The following WDR13 variants were observed in gnomAD, a reference collection of about 807,000 sequenced individuals.
WDR13 encodes the protein WD repeat domain 13, also known as WD repeat-containing protein 13.
Under a neutral mutation model 28.6 loss-of-function variants are expected in WDR13, and 1 was observed. The ratio of observed to expected loss-of-function variants is 0.03; its 90% confidence interval spans 0.01 to 0.17. The LOEUF (loss-of-function observed/expected upper bound fraction) is 0.17, where lower values mean the gene tolerates loss of function less well. Among genes scored for constraint, WDR13 ranks in the 10% least tolerant of loss-of-function variants. The pLI is 1.00. For synonymous variants in WDR13, 201 were observed against 185.9 expected, an observed-to-expected ratio of 1.08 and a Z score of -0.66; for missense variants, 264 against 469.3, an observed-to-expected ratio of 0.56 and a Z score of 4.04.
intron 1 of WDR13, 114 bp downstream of exon 1, chrX:48,597,728 T>G (rs1177423332): frequency 1.2e-5 from 4 of 345,275 alleles, no homozygotes; most frequent in Non-Finnish European, 2.0e-5. Flanking sequence ...GGAGGGGCGT[T>G]GCTATGGCGA....
rs1425136430 is a variant in WDR13, at chrX:48,608,345, G to A, written c.*3313G>A. ...TGCCCAGGCTGGCCTTGAACTCCTG[G>A]GCTCAAGTGATCCTCTCACCTTGGC... is the stretch of plus-strand genomic sequence containing the variant. On this transcript the variant is annotated 3_prime_UTR_variant, in exon 10 of 10. Coordinates refer to ENST00000376729, the MANE Select transcript of WDR13 (RefSeq NM_001347217.2). The A allele has an allele frequency of 3.6e-5, 4 of 110,646 alleles. No individual in the cohort carries two copies. Among genetic ancestry groups the A allele is most frequent in the African/African-American group, 1.3e-4 (4 of 30,301 alleles). 9.1% of individuals were successfully genotyped at this position (110,646 alleles called of 1,213,427 possible).
intron 2 of WDR13, chrX:48,598,290 C>T (rs1556993286): frequency 9.4e-6 from 10 of 1,066,409 alleles, no homozygotes; most frequent in East Asian, 7.3e-5. Context: ...GGAGGTGGGG[C>T]TCAGGCAGGT....
chrX:48,604,249 G>T, intron 8 of WDR13, 23 bp from the exon 9 acceptor site: 3 of 1,196,563 alleles, frequency 2.5e-6, no homozygotes, highest in Non-Finnish European at 3.4e-6. Context: ...GCTGTGTTTT[G>T]ACCCACTCTC....
chrX:48,598,013 A>T lies in WDR13; in HGVS notation c.17A>T (p.Gln6Leu). The change falls in exon 2 of 10, where the codon CAG (glutamine) becomes CTG (leucine). Residue 6 changes from glutamine (Q) to leucine (L), a missense_variant. This residue lies in a region of WDR13 where 15 missense variants were observed against 48.2 expected (regional missense o/e 0.31). Coordinates refer to ENST00000376729, the MANE Select transcript of WDR13 (RefSeq NM_001347217.2). ...GGCCGGGGAATGGCCGCGGTGTGGC[A>T]GCAAGTCTTAGCAGTGGACGCGAGG... MAAVW[Q>L]QVLAVDARYN... 1.7e-6 allele frequency: 2 copies of T among 1,164,425 alleles called. No individual in the cohort carries two copies. Among genetic ancestry groups the T allele is most frequent in the Non-Finnish European group, 1.1e-6 (1 of 871,934 alleles).
rs782392010 is a variant in WDR13, at chrX:48,600,530, C to T, written c.735C>T (p.Ala245=). The T allele has an allele frequency of 1.6e-6, 2 of 1,212,206 alleles. No homozygotes were observed. Among genetic ancestry groups the T allele is most frequent in the Non-Finnish European group, 2.2e-6 (2 of 895,592 alleles). ...TSLDATMRIW[A]SEDGRCIREI... ...TGGATGCCACCATGCGCATCTGGGC[C>T]TCTGAGGATGGTCGCTGCATCCGAG... is the stretch of plus-strand genomic sequence containing the variant. The change falls in exon 6 of 10, where the codon GCC becomes GCT. Residue 245 remains alanine (A), a synonymous_variant. Transcript: ENST00000376729.
intron 5 of WDR13, 54 bp downstream of exon 5, chrX:48,599,771 A>G: frequency 1.7e-6 from 2 of 1,199,860 alleles, no homozygotes; most frequent in Non-Finnish European, 2.3e-6. Flanking sequence ...AACTGTGACA[A>G]CCAACCAAGG....
At position 48,605,834 on chromosome X, in the gene WDR13, G is replaced by C. The variant is rs1428054553; in HGVS notation, c.*802G>C. On this transcript the variant is annotated 3_prime_UTR_variant, in exon 10 of 10. Coordinates refer to ENST00000376729, the MANE Select transcript of WDR13 (RefSeq NM_001347217.2). ...TCGCCTCAGCCTCCCAAAGTGCTGG[G>C]ATTACAGGCATGAACCACCACGCCT... The C allele has an allele frequency of 9.0e-6, 1 of 111,557 alleles. No homozygotes were observed. Among genetic ancestry groups the C allele is most frequent in the African/African-American group, 3.3e-5 (1 of 30,682 alleles). The allele number at this position is 111,557 out of a possible 1,213,427, so 9.2% of individuals were successfully genotyped here. A position where few individuals can be genotyped will look rare whatever the true frequency, so the allele number is the denominator to read the frequency against.
At chrX:48,604,477 C>G (rs1345255252) in intron 9 of WDR13, 87 bp downstream of exon 9, 1 of 823,149 alleles carries the variant, frequency 1.2e-6, no homozygotes, top group African/African-American at 2.0e-5. Context: ...CATCACGACA[C>G]CGATGCCCTG....
Position 48,600,543 on chromosome X carries a change from C to A in WDR13, c.748C>A (p.Arg250Ser). Residue 250 changes from arginine to serine, a missense_variant, in exon 6 of 10, where the codon CGC (arginine) becomes AGC (serine). By Grantham distance (110) the Arg-to-Ser change is moderately radical (BLOSUM62 -1). This residue lies in a region of WDR13 where 157 missense variants were observed against 270.2 expected (regional missense o/e 0.58). Transcript: ENST00000376729. ...GCGCATCTGGGCCTCTGAGGATGGT[C>A]GCTGCATCCGAGAGATCCCTGACCC... Reference protein sequence around the residue: ...TMRIWASEDGRCIREIPDPDS... With the variant: ...TMRIWASEDGSCIREIPDPDS... 3.3e-6 allele frequency: 4 copies of A among 1,211,832 alleles called. No homozygotes were observed. The highest frequency in any genetic ancestry group is 4.5e-6 in the Non-Finnish European group (4 of 895,471).
At position 48,600,606 on chromosome X, in the gene WDR13, G is replaced by A. The variant is rs782755423; in HGVS notation, c.811G>A (p.Val271Ile). Residue 271 changes from valine (V) to isoleucine (I), a missense_variant, in exon 6 of 10, where the codon GTC (valine) becomes ATC (isoleucine). Transcript: ENST00000376729. ...ACTGCTCTGCTGCACCTTCCAGCCT[G>A]TCAACAACAACCTCACTGTGGTCAG... ...AELLCCTFQP[V>I]NNNLTVVGNA... is the part of the protein sequence containing the mutation. 6.6e-6 allele frequency: 8 copies of A among 1,208,481 alleles called. 1 individual carries two copies. In the Admixed American group the frequency reaches 1.8e-4, roughly 26 times the overall value.
chrX:48,602,329 A>G (rs927143196), intron 8 of WDR13, 123 bp downstream of exon 8: 1 of 822,656 alleles, frequency 1.2e-6, no homozygotes, highest in Non-Finnish European at 1.7e-6. Context: ...AGTAACAGTA[A>G]TAGCAGTAGT....
chrX:48,600,108 A>G, intron 5 of WDR13: 2 of 430,886 alleles, frequency 4.6e-6, no homozygotes, highest in Non-Finnish European at 7.8e-6. Flanking sequence ...GACTTTTGCA[A>G]TCTGCAAAGG....
In WDR13 at chrX:48,607,995, CTCT is replaced by C. The variant is rs1569489658; in HGVS notation, c.*2965_*2967del. On this transcript the variant is annotated 3_prime_UTR_variant, in exon 10 of 10. Coordinates refer to ENST00000376729, the MANE Select transcript of WDR13 (RefSeq NM_001347217.2). ...CCATATTGGCCAGGCTGGTCTCCATCTCTTGACCTTGTGATCCGCCTGCCTCGA... is the reference window on the plus strand; with the variant it reads ...CCATATTGGCCAGGCTGGTCTCCATCTGACCTTGTGATCCGCCTGCCTCGA... The C allele has an allele frequency of 3.9e-4, 43 of 110,381 alleles. No individual in the cohort carries two copies. The highest frequency in any genetic ancestry group is 1.4e-3 in the African/African-American group (43 of 30,341). 9.1% of individuals were successfully genotyped at this position (110,381 alleles called of 1,213,427 possible).
At position 48,597,958 on chromosome X, in the gene WDR13, G is replaced by C. The variant is rs1421521005; in HGVS notation, c.-39G>C. The stretch of plus-strand genomic sequence containing the variant: ...CACATTCCAGGCCCTTGTCCTGCAG[G>C]CTGCCGCGGGCGGACACGCCAGAGG... On this transcript the variant is annotated splice_region_variant and 5_prime_UTR_variant, in exon 2 of 10. Coordinates refer to ENST00000376729, the MANE Select transcript of WDR13 (RefSeq NM_001347217.2). 8.6e-7 allele frequency: 1 copy of C among 1,163,157 alleles called. No homozygotes were observed. The highest frequency in any genetic ancestry group is 1.8e-5 in the African/African-American group (1 of 55,878).
intron 6 of WDR13, among the ~76,000 whole-genome samples, chrX:48,601,317 C>G (rs1172265892): frequency 8.9e-6 from 1 of 112,625 alleles, no homozygotes; most frequent in Non-Finnish European, 1.9e-5. Flanking sequence ...GTAGATTGGT[C>G]AGAGAGCAGG....
rs2062206876 is a variant in WDR13 at position 48,604,263 on chromosome X, T to TC, written c.1155-7dup. 9.1e-6 allele frequency: 11 copies of TC among 1,206,624 alleles called. No individual in the cohort carries two copies. The highest frequency in any genetic ancestry group is 1.1e-5 in the Non-Finnish European group (10 of 892,180). On this transcript the variant is annotated splice_polypyrimidine_tract_variant and intron_variant, in intron 8 of 9. Transcript: ENST00000376729. ...GGCTGTGTTTTGACCCACTCTCTCA[T>TC]CCTCTCAGGGTGGTAGACAACGAGG...
chrX:48,601,687 G>C lies in WDR13; in HGVS notation c.832-97G>C, dbSNP rs1010481975. On this transcript the variant is annotated intron_variant, in intron 6 of 9. Transcript: ENST00000376729. ...GCCCTATTGTGAATAGACTCTAATAGGGACCAGCCAGTCGCATCAACAGCA... is the reference window on the plus strand; with the variant it reads ...GCCCTATTGTGAATAGACTCTAATACGGACCAGCCAGTCGCATCAACAGCA... 23 of 907,113 alleles carry C rather than the reference G, an allele frequency of 2.5e-5. No homozygotes were observed. In the Admixed American group the frequency reaches 3.5e-4, roughly 14 times the overall value. The allele number at this position is 907,113 out of a possible 1,213,427, so 74.8% of individuals were successfully genotyped here. A position where few individuals can be genotyped will look rare whatever the true frequency, so the allele number is the denominator to read the frequency against.
intron 2 of WDR13, 69 bp from the exon 3 acceptor site, chrX:48,598,644 GTACC>G: frequency 9.3e-7 from 1 of 1,077,426 alleles, no homozygotes; most frequent in Non-Finnish European, 1.2e-6. Context: ...CTCTCCTGCC[GTACC>G]CCCCCCCCCG....
intron 8 of WDR13, among the ~76,000 whole-genome samples, chrX:48,603,230 C>T (rs1200772925): frequency 8.9e-6 from 1 of 112,493 alleles, no homozygotes; most frequent in Non-Finnish European, 1.9e-5. Context: ...GTTACTCAGT[C>T]TGGTCTTAAA....
Sources: allele counts gnomAD v4.1 joint callset (sites outside exome capture counted in the v4.1 genomes callset), GRCh38; gene constraint gnomAD v4.1.1; regional missense constraint gnomAD v4.1.1; transcripts MANE v1.5; gene names NCBI Gene and HGNC (gene_info 2026-07-23, HGNC 2026-07-21).